The following PKNOX1 variants were observed in gnomAD, a reference collection of about 807,000 sequenced individuals.
PKNOX1 encodes PBX/knotted 1 homeobox 1, also known as homeobox protein PKNOX1.
PKNOX1 carries 15 observed loss-of-function variants against 51.9 expected under a neutral mutation model. That is an observed-to-expected ratio of 0.29 (90% CI 0.19 to 0.45). The LOEUF is 0.45. PKNOX1 is among the 20% of genes least tolerant of loss of function. The probability of loss-of-function intolerance (pLI) is 1.00; values close to 1 mark genes in which losing one functional copy is unlikely to be tolerated. For synonymous variants in PKNOX1, 219 were observed against 211.1 expected (o/e 1.04, Z -0.32); for missense variants, 462 against 547.5 (o/e 0.84, Z 1.56).
chr21:42,992,122 C>G (rs1038482294), intron 1 of PKNOX1, among the ~76,000 whole-genome samples: 3 of 152,224 alleles, frequency 2.0e-5, no homozygotes, highest in Non-Finnish European at 2.9e-5. Context: ...GGGCCAGCTG[C>G]TTCATCAGCT....
intron 3 of PKNOX1, among the ~76,000 whole-genome samples, chr21:43,009,113 G>A (rs935199062): frequency 2.0e-5 from 3 of 152,160 alleles, no homozygotes; most frequent in African/African-American, 7.2e-5. Flanking sequence ...TCAGGAGATC[G>A]AGACAAGCCT....
At chr21:42,998,796 C>G (rs1198367201) in intron 1 of PKNOX1, among the ~76,000 whole-genome samples, 1 of 152,204 alleles carries the variant, frequency 6.6e-6, no homozygotes, top group South Asian at 2.1e-4. Context: ...GCATCTCCGC[C>G]CCTGTGGCTT....
At chr21:42,987,413 A>ATATATATATATATCTATC (rs2059059567) in intron 1 of PKNOX1, among the ~76,000 whole-genome samples, 1 of 132,066 alleles carries the variant, frequency 7.6e-6, no homozygotes, top group Non-Finnish European at 1.6e-5. Context: ...AAATATATAT[A>ATATATATATATATCTATC]TATATATATA....
intron 7 of PKNOX1, among the ~76,000 whole-genome samples, chr21:43,018,855 CA>C (rs1357996601): frequency 6.6e-6 from 1 of 152,000 alleles, no homozygotes; most frequent in African/African-American, 2.4e-5. Context: ...TTTGGGAGGC[CA>C]AGGTGGACAG....
At chr21:43,000,038 C>G (rs1166335785) in intron 1 of PKNOX1, among the ~76,000 whole-genome samples, 1 of 151,982 alleles carries the variant, frequency 6.6e-6, no homozygotes, top group East Asian at 1.9e-4. Flanking sequence ...CAACAAGTTC[C>G]CCACCTCCGA....
Position 43,028,867 on chromosome 21 carries a change from G to A in PKNOX1, c.1092G>A (p.Met364Ile), listed in dbSNP as rs970660802. 6.2e-7 allele frequency: 1 copy of A among 1,614,154 alleles called. No homozygotes were observed. The highest frequency in any genetic ancestry group is 8.5e-7 in the Non-Finnish European group (1 of 1,180,006). Reference sequence around the variant, plus strand: ...AGCCACCGCCGAGCGAGCTCACCATGTCGGAAGGTACAGGTGGCCGGCCAA... The same window carrying A: ...AGCCACCGCCGAGCGAGCTCACCATATCGGAAGGTACAGGTGGCCGGCCAA... ...VAQPPPSELT[M>I]SEGAVVTITT... Residue 364 changes from methionine (M) to isoleucine (I), a missense_variant, in exon 10 of 11, where the codon ATG becomes ATA. Transcript: ENST00000291547.
At chr21:42,975,085 G>A (rs1159705417) in intron 1 of PKNOX1, among the ~76,000 whole-genome samples, 5 of 144,026 alleles carry the variant, frequency 3.5e-5, no homozygotes, top group Non-Finnish European at 6.2e-5. Context: ...GGGCGGGGCG[G>A]CGGGCGTGAG....
At chr21:42,998,542 T>C (rs234757) in intron 1 of PKNOX1, among the ~76,000 whole-genome samples, 136,802 of 152,238 alleles carry the variant, frequency 0.9, 61,593 homozygotes, top group African/African-American at 0.91. Context: ...GTCCCTTCCA[T>C]GTATGAGCCT....
chr21:43,028,834 A>G lies in PKNOX1; in HGVS notation c.1059A>G (p.Gly353=). The change falls in exon 10 of 11, where the codon GGA becomes GGG. Residue 353 remains glycine (G), a synonymous_variant. Coordinates refer to ENST00000291547, the MANE Select transcript of PKNOX1 (RefSeq NM_004571.5). ...QRFWPDSIAS[G]VAQPPPSELT... is the part of the protein sequence containing the mutation. ...TTTGGCCTGATTCTATTGCATCAGG[A>G]GTCGCACAGCCACCGCCGAGCGAGC... 6.2e-7 allele frequency: 1 copy of G among 1,614,138 alleles called. No homozygotes were observed. The highest frequency in any genetic ancestry group is 8.5e-7 in the Non-Finnish European group (1 of 1,180,032).
intron 9 of PKNOX1, among the ~76,000 whole-genome samples, chr21:43,027,259 C>T (rs369178826): frequency 7.2e-5 from 11 of 152,232 alleles, no homozygotes; most frequent in Middle Eastern, 3.4e-3. Context: ...GCTGCTTTTG[C>T]GTTAGGTTGG....
chr21:43,005,174 T>C (rs1978931566), intron 2 of PKNOX1, among the ~76,000 whole-genome samples: 1 of 152,202 alleles, frequency 6.6e-6, no homozygotes, highest in Middle Eastern at 3.2e-3. Context: ...TGAAGGGATT[T>C]GGCCCTGCCC....
intron 1 of PKNOX1, 143 bp downstream of exon 1, chr21:42,974,807 G>T: frequency 6.6e-6 from 1 of 150,768 alleles, no homozygotes; most frequent in Non-Finnish European, 1.5e-5. Flanking sequence ...TCGAGGGCCC[G>T]CATTTGACCC....
intron 1 of PKNOX1, among the ~76,000 whole-genome samples, chr21:42,975,282 C>T (rs1247154816): frequency 7.7e-6 from 1 of 129,880 alleles, no homozygotes; most frequent in Non-Finnish European, 1.6e-5. Flanking sequence ...GCGGGTGGGT[C>T]GGGGTCCTGG....
chr21:42,997,101 G>A (rs933588317), intron 1 of PKNOX1, among the ~76,000 whole-genome samples: 3 of 152,096 alleles, frequency 2.0e-5, no homozygotes, highest in African/African-American at 2.4e-5. Context: ...GGCTGGTTTC[G>A]AATTCCTGAC....
intron 3 of PKNOX1, among the ~76,000 whole-genome samples, chr21:43,008,304 T>TCACTCTGA (rs1446081877): frequency 6.6e-6 from 1 of 152,126 alleles, no homozygotes; most frequent in Non-Finnish European, 1.5e-5. Flanking sequence ...ATAATTGACA[T>TCACTCTGA]CACTCTGACA....
At chr21:42,981,874 C>G (rs892165836) in intron 1 of PKNOX1, among the ~76,000 whole-genome samples, 1 of 152,182 alleles carries the variant, frequency 6.6e-6, no homozygotes, top group Non-Finnish European at 1.5e-5. Flanking sequence ...AAACAGGAGT[C>G]TATGGGATTC....
chr21:43,009,372 G>A (rs1979140176), intron 3 of PKNOX1, among the ~76,000 whole-genome samples: 1 of 152,080 alleles, frequency 6.6e-6, no homozygotes, highest in African/African-American at 2.4e-5. Context: ...TTGAACCCGA[G>A]AGGCGGAGGT....
chr21:42,989,130 G>A (rs146409068), intron 1 of PKNOX1, among the ~76,000 whole-genome samples: 18 of 151,798 alleles, frequency 1.2e-4, no homozygotes, highest in African/African-American at 3.6e-4. Flanking sequence ...TAAAATAAAC[G>A]TAAAAAGGGA....
intron 5 of PKNOX1, among the ~76,000 whole-genome samples, chr21:43,014,210 A>G (rs1238627125): frequency 2.6e-5 from 4 of 151,648 alleles, no homozygotes; most frequent in Non-Finnish European, 5.9e-5. Context: ...TTTAGTAGAG[A>G]CGGGGTTTCA....
Sources: allele counts gnomAD v4.1 joint callset (sites outside exome capture counted in the v4.1 genomes callset), GRCh38; gene constraint gnomAD v4.1.1; transcripts MANE v1.5; gene names NCBI Gene and HGNC (gene_info 2026-07-23, HGNC 2026-07-21).